Variants in POLR1B observed in about 807,000 individuals in gnomAD.
POLR1B encodes RNA polymerase I subunit B, also known as DNA-directed RNA polymerase I subunit RPA2.
POLR1B carries 30 observed loss-of-function variants against 105.8 expected under a neutral mutation model. The observed-to-expected ratio is 0.28, with a 90% CI of 0.21 to 0.38. The LOEUF is 0.38. POLR1B is among the 10% of genes least tolerant of loss of function. The pLI is 1.00. For synonymous variants in POLR1B, 485 were observed against 505.1 expected (o/e 0.96, Z 0.53); for missense variants, 976 against 1,435.8 (o/e 0.68, Z 5.17).
In POLR1B at chr2:112,555,281, A is replaced by G. The variant is rs117854634; in HGVS notation, c.1158+2465A>G. Among the ~76,000 whole-genome samples, 17 of 150,986 alleles carry G rather than the reference A, an allele frequency of 1.1e-4. No homozygotes were observed. In the East Asian group the frequency reaches 2.2e-3, roughly 19 times the overall value. Reference sequence around the variant, plus strand: ...CTGAGCCCAGGAGGTCAAGGCTGCAATAAGGGGTGATTTTGCCACTGCACT... The same window carrying G: ...CTGAGCCCAGGAGGTCAAGGCTGCAGTAAGGGGTGATTTTGCCACTGCACT... On this transcript the variant is annotated intron_variant, in intron 7 of 14. Coordinates refer to ENST00000263331, the MANE Select transcript of POLR1B (RefSeq NM_019014.6).
rs763908839 is a variant in POLR1B at position 112,575,670 on chromosome 2, C to T, written c.3349C>T (p.Arg1117Trp). 20 of 1,613,786 alleles carry T rather than the reference C, an allele frequency of 1.2e-5. No individual in the cohort carries two copies. Among genetic ancestry groups the T allele is most frequent in the African/African-American group, 5.3e-5 (4 of 74,872 alleles). ...IDTVSVPYVF[R>W]YFVAELAAMN... ...TACTGTTTCTGTGCCTTATGTTTTT[C>T]GGTATTTTGTAGCTGAACTGGCAGC... Residue 1117 changes from arginine to tryptophan, a missense_variant, in exon 15 of 15, where the codon CGG becomes TGG. This residue lies in a region of POLR1B where 77 missense variants were observed against 104.5 expected (regional missense o/e 0.74). Coordinates refer to ENST00000263331, the MANE Select transcript of POLR1B (RefSeq NM_019014.6). This position sits in a 1 kb window ranked among gnomAD's most constrained non-coding sequence, Gnocchi z 5.3.
chr2:112,552,249 A>T (rs1450705664), intron 6 of POLR1B, among the ~76,000 whole-genome samples: 3 of 152,198 alleles, frequency 2.0e-5, no homozygotes, highest in Admixed American at 6.5e-5. Flanking sequence ...TTCCAGAATA[A>T]TGTCCAAATA....
chr2:112,568,601 C>A, intron 11 of POLR1B, 145 bp from the exon 12 acceptor site: 2 of 854,060 alleles, frequency 2.3e-6, no homozygotes, highest in Non-Finnish European at 3.6e-6. Context: ...CTTCCCTGTG[C>A]TTCCCAGTTG....
intron 8 of POLR1B, among the ~76,000 whole-genome samples, chr2:112,558,967 G>C (rs183736497): frequency 6.8e-6 from 1 of 147,704 alleles, no homozygotes; most frequent in Admixed American, 6.8e-5. Context: ...TCTTTCATTA[G>C]CCTGCTTTCT....
In POLR1B at chr2:112,559,288, T is replaced by C; in HGVS notation, c.1331-5T>C. ...CCATTTTTGAATGACTTTTGTTTTATTAAGGTCTTGGCCTCCTACAAGATT... is the reference window on the plus strand; with the variant it reads ...CCATTTTTGAATGACTTTTGTTTTACTAAGGTCTTGGCCTCCTACAAGATT... On this transcript the variant is annotated splice_region_variant and splice_polypyrimidine_tract_variant and intron_variant, in intron 8 of 14. Transcript: ENST00000263331. 6.2e-7 allele frequency: 1 copy of C among 1,612,380 alleles called. No individual in the cohort carries two copies.
Position 112,577,671 on chromosome 2 carries a change from G to C in POLR1B, c.*1942G>C, listed in dbSNP as rs1260955876. Among the ~76,000 whole-genome samples, 1 of 151,356 alleles carries C rather than the reference G, an allele frequency of 6.6e-6. No homozygotes were observed. Among genetic ancestry groups the C allele is most frequent in the African/African-American group, 2.4e-5 (1 of 41,170 alleles). On this transcript the variant is annotated 3_prime_UTR_variant, in exon 15 of 15. Coordinates refer to ENST00000263331, the MANE Select transcript of POLR1B (RefSeq NM_019014.6). The stretch of plus-strand genomic sequence containing the variant: ...ATCTGGGCAACATGGGGAAACCCCA[G>C]CTCTACAAAAAAAATTAGCCTGGTG...
At chr2:112,565,633 C>T (rs569588598) in intron 10 of POLR1B, among the ~76,000 whole-genome samples, 1 of 151,816 alleles carries the variant, frequency 6.6e-6, no homozygotes, top group South Asian at 2.1e-4. Flanking sequence ...AATCACAGCT[C>T]ACTGCAGCCT....
chr2:112,557,953 A>G lies in POLR1B; in HGVS notation c.1202A>G (p.Asp401Gly). The G allele has an allele frequency of 7.1e-7, 1 of 1,398,950 alleles. No homozygotes were observed. The allele number at this position is 1,398,950 out of a possible 1,614,324, so 86.7% of individuals were successfully genotyped here. A position where few individuals can be genotyped will look rare whatever the true frequency, so the allele number is the denominator to read the frequency against. The change falls in exon 8 of 15, where the codon GAT becomes GGT. Residue 401 changes from aspartate (D) to glycine (G), a missense_variant. Transcript: ENST00000263331. The stretch of plus-strand genomic sequence containing the variant: ...TTAGTGTCTATTAAAATAGCTTTTG[A>G]TAAGAAGGCTCAGAAGACCAGTGTT... ...GWLVSIKIAF[D>G]KKAQKTSVSM...
chr2:112,570,801 C>A (rs1457491798), intron 12 of POLR1B, among the ~76,000 whole-genome samples: 1 of 137,276 alleles, frequency 7.3e-6, no homozygotes, highest in Non-Finnish European at 1.5e-5. Flanking sequence ...TTTTTTGAGA[C>A]AGGGTATCGC....
At chr2:112,552,576 G>A in intron 6 of POLR1B, 69 bp from the exon 7 acceptor site, 2 of 1,397,762 alleles carry the variant, frequency 1.4e-6, no homozygotes, top group Non-Finnish European at 1.9e-6. Flanking sequence ...GGGGATCTTG[G>A]TTAATAGAAT....
In POLR1B at chr2:112,557,885, T is replaced by C. The variant is rs865804662; in HGVS notation, c.1159-25T>C. ...CACACCTGGCTCACATACTATTTTA[T>C]ATTAATTTTTTTTCCTTATTTCAGG... On this transcript the variant is annotated intron_variant, in intron 7 of 14. Coordinates refer to ENST00000263331, the MANE Select transcript of POLR1B (RefSeq NM_019014.6). 7.5e-6 allele frequency: 9 copies of C among 1,192,762 alleles called. No individual in the cohort carries two copies. In the Middle Eastern group the frequency reaches 1.8e-3, roughly 234 times the overall value. 73.9% of individuals were successfully genotyped at this position (1,192,762 alleles called of 1,614,324 possible).
At position 112,572,591 on chromosome 2, in the gene POLR1B, A is replaced by C; in HGVS notation, c.2104A>C (p.Thr702Pro). ...GCAAACTATGGGCTTTCCACTTCTC[A>C]CTTATCAAGACCGATCGGATAACAA... ...GKQTMGFPLLTYQDRSDNKLY... is the reference protein window; with the variant it reads ...GKQTMGFPLLPYQDRSDNKLY... Residue 702 changes from threonine (T) to proline (P), a missense_variant, in exon 13 of 15, where the codon ACT becomes CCT. Transcript: ENST00000263331. 6.3e-7 allele frequency: 1 copy of C among 1,590,650 alleles called. No homozygotes were observed. The highest frequency in any genetic ancestry group is 8.6e-7 in the Non-Finnish European group (1 of 1,169,552).
At chr2:112,549,497 TTC>T in intron 4 of POLR1B, 98 bp downstream of exon 4, 11 of 965,854 alleles carry the variant, frequency 1.1e-5, no homozygotes, top group South Asian at 2.2e-5. Context: ...ATATTTTTGT[TTC>T]TTTTTTTTTT....
intron 12 of POLR1B, among the ~76,000 whole-genome samples, chr2:112,570,237 A>G (rs1459819295): frequency 6.6e-6 from 1 of 151,338 alleles, no homozygotes; most frequent in Non-Finnish European, 1.5e-5. Flanking sequence ...TAGTAGAGAT[A>G]CGGTTTCACC....
At chr2:112,551,205 C>T (rs1482368429) in intron 5 of POLR1B, among the ~76,000 whole-genome samples, 1 of 152,132 alleles carries the variant, frequency 6.6e-6, no homozygotes, top group Non-Finnish European at 1.5e-5. Flanking sequence ...TTTGGGAGTG[C>T]TTTGGCTGGG....
intron 10 of POLR1B, among the ~76,000 whole-genome samples, chr2:112,566,327 C>G (rs1684271105): frequency 6.6e-6 from 1 of 152,154 alleles, no homozygotes; most frequent in South Asian, 2.1e-4. Context: ...TAGTTGAAAG[C>G]TATGTGGAGC....
chr2:112,555,318 A>G lies in POLR1B; in HGVS notation c.1158+2502A>G, dbSNP rs1221130368. The stretch of plus-strand genomic sequence containing the variant: ...TTTGCCACTGCACTCTAGCCTGGGC[A>G]AAAGAGCAAGACCTTATCTCAAAAA... On this transcript the variant is annotated intron_variant, in intron 7 of 14. Transcript: ENST00000263331. Among the ~76,000 whole-genome samples the G allele has an allele frequency of 4.6e-5, 7 of 152,130 alleles. No homozygotes were observed. The East Asian group carries it at 1.2e-3, about 25-fold the overall frequency.
chr2:112,574,723 TAAAAAAAAA>T, intron 14 of POLR1B, 115 bp from the exon 15 acceptor site: 7 of 587,278 alleles, frequency 1.2e-5, no homozygotes, highest in African/African-American at 2.4e-5. Context: ...CCCTGTATCA[TAAAAAAAAA>T]AAAAAAAAAA....
At chr2:112,547,324 TTTAA>T in intron 2 of POLR1B, 93 bp from the exon 3 acceptor site, 6 of 1,493,282 alleles carry the variant, frequency 4.0e-6, no homozygotes, top group Non-Finnish European at 5.5e-6. Context: ...CATAAAATAA[TTTAA>T]TTGATCTTCT....
Sources: gnomAD v4.1 joint callset for allele counts (sites outside exome capture counted in the v4.1 genomes callset) on GRCh38, gnomAD v4.1.1 for gene constraint, gnomAD v4.1.1 regional missense constraint, Gnocchi (gnomAD v3.1) non-coding constraint, MANE v1.5 for transcripts, NCBI Gene and HGNC (gene_info 2026-07-23, HGNC 2026-07-21) for gene names.